FMN2: variants seen among roughly 807,000 people sequenced by gnomAD.
The protein encoded by FMN2 is formin 2, also known as formin-2.
Under a neutral mutation model 142.3 loss-of-function variants are expected in FMN2, and 51 were observed. The observed-to-expected ratio is 0.36, with a 90% confidence interval of 0.29 to 0.45. The LOEUF (loss-of-function observed/expected upper bound fraction) is 0.45. FMN2 is among the 20% of genes least tolerant of loss of function. FMN2 has a pLI of 1.00. For missense variants in FMN2, 1,936 were observed against 2,122.8 expected (o/e 0.91, Z 1.73); for synonymous variants, 882 against 869.8 (o/e 1.01, Z -0.25).
chr1:240,391,393 A>G (rs969681731), intron 14 of FMN2, among the ~76,000 whole-genome samples: 45 of 151,796 alleles, frequency 3.0e-4, no homozygotes, highest in African/African-American at 1.1e-3. Flanking sequence ...AGACACTGAC[A>G]GTTCTCGAGT....
intron 7 of FMN2, among the ~76,000 whole-genome samples, chr1:240,291,834 G>C (rs755144246): frequency 2.6e-5 from 4 of 152,122 alleles, no homozygotes; most frequent in Non-Finnish European, 5.9e-5. Flanking sequence ...AGGCTCACTT[G>C]AGCAGGAAGG....
At chr1:240,211,325 C>T (rs1666684488) in intron 6 of FMN2, 90 bp downstream of exon 6, 1 of 1,256,252 alleles carries the variant, frequency 8.0e-7, no homozygotes, top group African/African-American at 1.5e-5. Context: ...AGTTTTTGGG[C>T]TGTGTAAACC....
chr1:240,154,193 G>T (rs533402598), intron 2 of FMN2, among the ~76,000 whole-genome samples: 1 of 148,854 alleles, frequency 6.7e-6, no homozygotes, highest in African/African-American at 2.4e-5. Context: ...TTAGGAGAAC[G>T]TACGTTCTCA....
At chr1:240,148,432 AAGAG>A (rs879300545) in intron 2 of FMN2, among the ~76,000 whole-genome samples, 5 of 137,002 alleles carry the variant, frequency 3.6e-5, no homozygotes, top group South Asian at 5.6e-4. Flanking sequence ...AAGATACAGA[AAGAG>A]AGAGACAGAG....
intron 14 of FMN2, among the ~76,000 whole-genome samples, chr1:240,379,451 T>G (rs1673153867): frequency 6.6e-6 from 1 of 152,188 alleles, no homozygotes; most frequent in Non-Finnish European, 1.5e-5. Context: ...TTCTGCAAAG[T>G]ATTTCCTCTC....
Position 240,208,193 on chromosome 1 carries a change from G to A in FMN2, c.3381G>A (p.Ala1127=), listed in dbSNP as rs541664727. The stretch of plus-strand genomic sequence containing the variant: ...CCCCTCCTCCCCCTCTACCCGGAGC[G>A]GGCATACCCCCTCCTCCCCCTCTTC... ...GIPPPPPLPG[A]GIPPPPPLPG... The change falls in exon 5 of 18, where the codon GCG becomes GCA. Residue 1127 remains alanine (A), a synonymous_variant. Transcript: ENST00000319653. 3.1e-6 allele frequency: 3 copies of A among 955,860 alleles called. No individual in the cohort carries two copies. The highest frequency in any genetic ancestry group is 3.7e-5 in the African/African-American group (1 of 27,276). The allele number at this position is 955,860 out of a possible 1,614,324, so 59.2% of individuals were successfully genotyped here.
In FMN2 at chr1:240,242,464, G is replaced by A. The variant is rs146113177; in HGVS notation, c.4066-15481G>A. On this transcript the variant is annotated intron_variant, in intron 6 of 17. Transcript: ENST00000319653. ...ACCCGAGGGATGGGACCAGGAGACC[G>A]GTATCAGGATCATAGACTAAATAAG... Among the ~76,000 whole-genome samples the A allele has an allele frequency of 3.5e-4, 54 of 152,188 alleles. No individual in the cohort carries two copies. The East Asian group carries it at 6.2e-3, about 17-fold the overall frequency.
chr1:240,253,061 T>C (rs752313915), intron 6 of FMN2, among the ~76,000 whole-genome samples: 4 of 149,096 alleles, frequency 2.7e-5, no homozygotes, highest in Non-Finnish European at 4.4e-5. Flanking sequence ...CAAGCGATTC[T>C]CCTGCGTCAG....
At chr1:240,429,913 T>G (rs556963272) in intron 15 of FMN2, among the ~76,000 whole-genome samples, 1 of 149,436 alleles carries the variant, frequency 6.7e-6, no homozygotes, top group African/African-American at 2.5e-5. Context: ...TGAGGCAGAG[T>G]CTCGCTCTGC....
chr1:240,185,861 A>G (rs538588590), intron 3 of FMN2, among the ~76,000 whole-genome samples: 2 of 152,334 alleles, frequency 1.3e-5, no homozygotes, highest in South Asian at 4.1e-4. Flanking sequence ...ACGAAAAACA[A>G]TAGAAAATGA....
intron 2 of FMN2, among the ~76,000 whole-genome samples, chr1:240,175,543 G>A (rs951389786): frequency 1.3e-5 from 2 of 152,092 alleles, no homozygotes; most frequent in Admixed American, 1.3e-4. Flanking sequence ...TTGCTGAGCT[G>A]GAGTGTAGTG....
At position 240,094,453 on chromosome 1, in the gene FMN2, C is replaced by T. The variant is rs536253994; in HGVS notation, c.1615+729C>T. Among the ~76,000 whole-genome samples the T allele has an allele frequency of 1.8e-4, 27 of 152,292 alleles. No individual in the cohort carries two copies. The South Asian group carries it at 5.6e-3, about 32-fold the overall frequency. On this transcript the variant is annotated intron_variant, in intron 1 of 17. Coordinates refer to ENST00000319653, the MANE Select transcript of FMN2 (RefSeq NM_020066.5). ...AGTGAAGGTGGAAAGGTCAAAAGCA[C>T]GTCTAGTCCAACTGGTACCTCCCCT...
chr1:240,369,614 AT>A, intron 14 of FMN2, among the ~76,000 whole-genome samples: 1 of 152,226 alleles, frequency 6.6e-6, no homozygotes, highest in South Asian at 2.1e-4. Flanking sequence ...TTTTTTAGCA[AT>A]AGATTTGCTA....
intron 14 of FMN2, among the ~76,000 whole-genome samples, chr1:240,367,453 T>G (rs6689621): frequency 1.3e-5 from 2 of 151,842 alleles, no homozygotes; most frequent in African/African-American, 2.4e-5. Flanking sequence ...TTTTTCTTGA[T>G]GGTGCATAAT....
chr1:240,394,832 G>A (rs1170660111), intron 15 of FMN2, among the ~76,000 whole-genome samples: 1 of 152,066 alleles, frequency 6.6e-6, no homozygotes, highest in Non-Finnish European at 1.5e-5. Context: ...GCCAGGCATG[G>A]TGGTGCATGC....
chr1:240,379,018 A>T (rs1228959224), intron 14 of FMN2, among the ~76,000 whole-genome samples: 1 of 152,146 alleles, frequency 6.6e-6, no homozygotes, highest in East Asian at 1.9e-4. Context: ...TAAGTGCTAG[A>T]CACTATGCAC....
In FMN2 at chr1:240,207,543, C is replaced by T. The variant is rs1339166802; in HGVS notation, c.2731C>T (p.Pro911Ser). ...PLQGTEMLPP[P>S]PPPLPGAGIP... is the part of the protein sequence containing the mutation. The stretch of plus-strand genomic sequence containing the variant: ...GCAGGGTACAGAAATGCTGCCACCC[C>T]CTCCCCCTCCTCTTCCCGGAGCGGG... The change falls in exon 5 of 18, where the codon CCT becomes TCT. Residue 911 changes from proline (P) to serine (S), a missense_variant. This residue lies in a region of FMN2 where 478 missense variants were observed against 462.8 expected (regional missense o/e 1.03). Transcript: ENST00000319653. 5 of 1,613,388 alleles carry T rather than the reference C, an allele frequency of 3.1e-6. No homozygotes were observed. The highest frequency in any genetic ancestry group is 2.2e-5 in the South Asian group (2 of 91,062).
intron 16 of FMN2, chr1:240,458,686 AC>A (rs1346933570): frequency 3.3e-5 from 5 of 152,212 alleles, no homozygotes; most frequent in Non-Finnish European, 7.3e-5. Flanking sequence ...TTGCATGAAA[AC>A]CGTCAAATGT....
intron 2 of FMN2, chr1:240,171,321 C>A: frequency 1.0e-5 from 7 of 689,014 alleles, no homozygotes; most frequent in South Asian, 9.4e-5. Context: ...AGCGTCCATC[C>A]TGTCGTGATG....
Sources: allele counts gnomAD v4.1 joint callset (sites outside exome capture counted in the v4.1 genomes callset), GRCh38; gene constraint gnomAD v4.1.1; regional missense constraint gnomAD v4.1.1; transcripts MANE v1.5; gene names NCBI Gene and HGNC (gene_info 2026-07-23, HGNC 2026-07-21).